The following PTPRJ variants were observed in gnomAD, a reference collection of about 807,000 sequenced individuals.
PTPRJ encodes receptor-type tyrosine-protein phosphatase eta.
In PTPRJ, 129 loss-of-function variants were observed where a neutral mutation model predicts 141.3. That is an observed-to-expected ratio of 0.91 (90% CI 0.79 to 1.06). The LOEUF is 1.06. PTPRJ is among the 50% of genes least tolerant of loss of function. The probability of loss-of-function intolerance (pLI) is 0.00; values close to 1 mark genes in which losing one functional copy is unlikely to be tolerated. For missense variants in PTPRJ, 1,601 were observed against 1,679.7 expected (o/e 0.95, Z 0.82); for synonymous variants, 610 against 640.5 (o/e 0.95, Z 0.72).
chr11:48,047,498 ATTT>A (rs58387057), intron 1 of PTPRJ, among the ~76,000 whole-genome samples: 10 of 146,684 alleles, frequency 6.8e-5, no homozygotes, highest in Admixed American at 2.0e-4. Flanking sequence ...ACCTATGGTA[ATTT>A]TTTTTTTTTT....
rs144207207 is a variant in PTPRJ at position 48,130,512 on chromosome 11, G to A, written c.1411G>A (p.Gly471Ser). Residue 471 changes from glycine to serine, a missense_variant, in exon 8 of 25, where the codon GGC becomes AGC. Physicochemically the swap from Gly to Ser is moderately conservative, Grantham distance 56. Coordinates refer to ENST00000418331, the MANE Select transcript of PTPRJ (RefSeq NM_002843.4). ...GACAGTGGTCAGCACGACGGAGATC[G>A]GCTTAGCATGGAGCAGCCATGATGC... ...RVTVVSTTEI[G>S]LAWSSHDAES... The A allele has an allele frequency of 4.0e-4, 651 of 1,613,690 alleles. 5 individuals are homozygous for A. The African/African-American group carries it at 5.8e-3, about 14-fold the overall frequency.
At chr11:48,036,961 G>A (rs1854141560) in intron 1 of PTPRJ, among the ~76,000 whole-genome samples, 1 of 152,184 alleles carries the variant, frequency 6.6e-6, no homozygotes, top group African/African-American at 2.4e-5. Context: ...CACCAGGTAA[G>A]TCAGCTTGTA....
In PTPRJ at chr11:48,123,595, G is replaced by A; in HGVS notation, c.617-18G>A. On this transcript the variant is annotated intron_variant, in intron 4 of 24. Transcript: ENST00000418331. Reference sequence around the variant, plus strand: ...CATATATCTTGTTCCATTAATGCATGTTGTATTTTTAAAATAGAGCCGATC... The same window carrying A: ...CATATATCTTGTTCCATTAATGCATATTGTATTTTTAAAATAGAGCCGATC... 2 of 1,608,922 alleles carry A rather than the reference G, an allele frequency of 1.2e-6. No homozygotes were observed. The highest frequency in any genetic ancestry group is 3.4e-5 in the Admixed American group (2 of 59,434).
rs969196767 is a variant in PTPRJ at position 48,116,698 on chromosome 11, G to T, written c.352+3715G>T. ...ACAAAACAAGTGTTAACAGATTTAA[G>T]AAGTGTGAAATCATATCAAGTATCT... is the stretch of plus-strand genomic sequence containing the variant. On this transcript the variant is annotated intron_variant, in intron 3 of 24. Coordinates refer to ENST00000418331, the MANE Select transcript of PTPRJ (RefSeq NM_002843.4). Among the ~76,000 whole-genome samples the T allele has an allele frequency of 3.3e-5, 5 of 152,326 alleles. No homozygotes were observed. In the Middle Eastern group the frequency reaches 0.01, roughly 311 times the overall value.
intron 1 of PTPRJ, among the ~76,000 whole-genome samples, chr11:48,007,967 G>C (rs996732695): frequency 6.6e-6 from 1 of 152,196 alleles, no homozygotes; most frequent in Non-Finnish European, 1.5e-5. Flanking sequence ...TCCAGTTCCT[G>C]GTTCTTTCTG....
chr11:48,089,526 A>C lies in PTPRJ; in HGVS notation c.97-20532A>C, dbSNP rs574800580. ...GCGAGACTCCATCTCAAAAAAAAAAAAAAAAACAAAAAAAACCCACACACA... is the reference window on the plus strand; with the variant it reads ...GCGAGACTCCATCTCAAAAAAAAAACAAAAAACAAAAAAAACCCACACACA... On this transcript the variant is annotated intron_variant, in intron 1 of 24. Transcript: ENST00000418331. 7.3e-3 allele frequency among the ~76,000 whole-genome samples: 1,111 copies of C among 151,916 alleles called. 21 individuals are homozygous for C. The highest frequency in any genetic ancestry group is 0.026 in the African/African-American group (1,065 of 41,422).
rs1400220268 is a variant in PTPRJ, at chr11:48,077,904, C to T, written c.97-32154C>T. ...GGAATGATCTATTTACACTTATCTC[C>T]CTGCAAATTGTATCCTGCCCTTCAA... On this transcript the variant is annotated intron_variant, in intron 1 of 24. Coordinates refer to ENST00000418331, the MANE Select transcript of PTPRJ (RefSeq NM_002843.4). 2.0e-5 allele frequency among the ~76,000 whole-genome samples: 3 copies of T among 152,162 alleles called. No individual in the cohort carries two copies. The East Asian group carries it at 5.8e-4, about 29-fold the overall frequency.
intron 1 of PTPRJ, among the ~76,000 whole-genome samples, chr11:48,075,467 G>A (rs891333096): frequency 6.6e-6 from 1 of 150,712 alleles, no homozygotes; most frequent in African/African-American, 2.4e-5. Flanking sequence ...CTATCACCCA[G>A]GCTGGAGTGC....
chr11:48,163,489 A>G lies in PTPRJ; in HGVS notation c.3590A>G (p.Gln1197Arg). 1 of 1,614,048 alleles carries G rather than the reference A, an allele frequency of 6.2e-7. No homozygotes were observed. The highest frequency in any genetic ancestry group is 8.5e-7 in the Non-Finnish European group (1 of 1,179,968). ...IQTSESHPLR[Q>R]FHFTSWPDHG... ...ACAAGTGAGAGTCACCCTCTGAGAC[A>G]GTTCCATTTCACCTCCTGGCCAGAC... Residue 1197 changes from glutamine (Q) to arginine (R), a missense_variant, in exon 23 of 25, where the codon CAG becomes CGG. By Grantham distance (43) the Gln-to-Arg change is conservative. Coordinates refer to ENST00000418331, the MANE Select transcript of PTPRJ (RefSeq NM_002843.4).
chr11:47,996,932 C>A (rs1000451126), intron 1 of PTPRJ, among the ~76,000 whole-genome samples: 1 of 152,164 alleles, frequency 6.6e-6, no homozygotes, highest in African/African-American at 2.4e-5. Context: ...TTGGGACCAG[C>A]CTTTCGATGT....
chr11:48,021,555 G>A (rs1383151199), intron 1 of PTPRJ, among the ~76,000 whole-genome samples: 1 of 152,096 alleles, frequency 6.6e-6, no homozygotes, highest in Admixed American at 6.5e-5. Flanking sequence ...CCAAAGGACA[G>A]ATGCATTGAG....
At chr11:48,007,615 G>A (rs1854658922) in intron 1 of PTPRJ, among the ~76,000 whole-genome samples, 1 of 152,122 alleles carries the variant, frequency 6.6e-6, no homozygotes, top group African/African-American at 2.4e-5. Context: ...GCTGGCCAGG[G>A]TGATCTTGAA....
intron 1 of PTPRJ, among the ~76,000 whole-genome samples, chr11:48,097,032 C>T (rs184951701): frequency 4.6e-5 from 7 of 152,254 alleles, no homozygotes; most frequent in African/African-American, 1.7e-4. Flanking sequence ...TTCAGCCCAC[C>T]CTCCTGTTCC....
At chr11:48,120,870 A>G (rs532483717) in intron 3 of PTPRJ, 133 bp from the exon 4 acceptor site, 2 of 750,860 alleles carry the variant, frequency 2.7e-6, no homozygotes, top group East Asian at 2.7e-5. Flanking sequence ...GGTGCAGGGA[A>G]GTCTAGGAGG....
At chr11:48,111,046 G>A (rs577413628) in intron 2 of PTPRJ, among the ~76,000 whole-genome samples, 1 of 152,266 alleles carries the variant, frequency 6.6e-6, no homozygotes, top group Non-Finnish European at 1.5e-5. Context: ...GGAGGCTGAG[G>A]CAGGTGGATC....
intron 1 of PTPRJ, among the ~76,000 whole-genome samples, chr11:48,101,896 G>T (rs1343183578): frequency 1.3e-5 from 2 of 152,170 alleles, no homozygotes; most frequent in East Asian, 1.9e-4. Context: ...AGTGTGAGGG[G>T]CTGGTTCATG....
chr11:48,033,979 A>G (rs913439925), intron 1 of PTPRJ, among the ~76,000 whole-genome samples: 9 of 152,264 alleles, frequency 5.9e-5, no homozygotes, highest in Admixed American at 1.3e-4. Flanking sequence ...AAACTGGGGC[A>G]TGTGAGGAAC....
chr11:48,084,520 T>C (rs1195672435), intron 1 of PTPRJ, among the ~76,000 whole-genome samples: 1 of 152,168 alleles, frequency 6.6e-6, no homozygotes, highest in Admixed American at 6.5e-5. Context: ...CAATCAGGTT[T>C]GATTATGCAA....
intron 1 of PTPRJ, among the ~76,000 whole-genome samples, chr11:48,067,938 A>T (rs1247707273): frequency 6.6e-6 from 1 of 152,240 alleles, no homozygotes; most frequent in Admixed American, 6.5e-5. Context: ...CCATGTCTCA[A>T]TAGGCCCCGA....
Sources: gnomAD v4.1 joint callset for allele counts (sites outside exome capture counted in the v4.1 genomes callset) on GRCh38, gnomAD v4.1.1 for gene constraint, MANE v1.5 for transcripts, NCBI Gene and HGNC (gene_info 2026-07-23, HGNC 2026-07-21) for gene names.